The following NALF1 variants were observed in gnomAD, a reference collection of about 807,000 sequenced individuals.
NALF1 encodes the protein family with sequence similarity 155 member A.
A neutral mutation model predicts 48.4 loss-of-function variants in NALF1; 3 were observed. The observed-to-expected ratio is 0.06, with a 90% CI of 0.03 to 0.16. The LOEUF (loss-of-function observed/expected upper bound fraction) is 0.16, where lower values mean the gene tolerates loss of function less well. Among genes scored for constraint, NALF1 ranks in the 10% least tolerant of loss-of-function variants. The pLI, the probability that NALF1 is intolerant of heterozygous loss-of-function variation, is 1.00. For synonymous variants in NALF1, 262 were observed against 245.7 expected (o/e 1.07, Z -0.62); for missense variants, 526 against 571.5 (o/e 0.92, Z 0.81).
chr13:107,544,805 G>C (rs891776078), intron 1 of NALF1, among the ~76,000 whole-genome samples: 1 of 152,164 alleles, frequency 6.6e-6, no homozygotes, highest in Admixed American at 6.6e-5. Context: ...CATGACTAGA[G>C]AAGTAGAAAA....
At chr13:107,341,663 T>G (rs1193263085) in intron 1 of NALF1, among the ~76,000 whole-genome samples, 1 of 151,346 alleles carries the variant, frequency 6.6e-6, no homozygotes, top group Non-Finnish European at 1.5e-5. Context: ...ATATGGTTTG[T>G]TGTATATATG....
chr13:107,818,329 T>C (rs1047386048), intron 1 of NALF1, among the ~76,000 whole-genome samples: 2 of 152,088 alleles, frequency 1.3e-5, no homozygotes, highest in African/African-American at 4.8e-5. Context: ...TCTCTCTGAG[T>C]GCCAAAAAAC....
chr13:107,506,197 TG>T (rs1335188192), intron 1 of NALF1, among the ~76,000 whole-genome samples: 6 of 152,122 alleles, frequency 3.9e-5, no homozygotes, highest in Non-Finnish European at 8.8e-5. Context: ...GACATGAGGA[TG>T]CTGTATATGA....
intron 1 of NALF1, among the ~76,000 whole-genome samples, chr13:107,419,486 T>C (rs1884148080): frequency 6.6e-6 from 1 of 152,116 alleles, no homozygotes; most frequent in Admixed American, 6.5e-5. Context: ...ACATTGACTC[T>C]TGCAAGAGGC....
intron 1 of NALF1, among the ~76,000 whole-genome samples, chr13:107,494,519 C>T (rs751654746): frequency 6.6e-6 from 1 of 152,096 alleles, no homozygotes; most frequent in Non-Finnish European, 1.5e-5. Context: ...GCTGTTTGTC[C>T]CCAGGCCCTG....
At chr13:107,247,371 C>T (rs2138840839) in intron 1 of NALF1, among the ~76,000 whole-genome samples, 1 of 152,274 alleles carries the variant, frequency 6.6e-6, no homozygotes. Context: ...CTTGCATTAT[C>T]TTGACAGATA....
At chr13:107,187,550 T>C (rs983457319) in intron 2 of NALF1, among the ~76,000 whole-genome samples, 1 of 152,332 alleles carries the variant, frequency 6.6e-6, no homozygotes, top group South Asian at 2.1e-4. Flanking sequence ...CTGAGGCTCC[T>C]GACTTCCACC....
intron 1 of NALF1, among the ~76,000 whole-genome samples, chr13:107,532,005 C>G (rs1253519053): frequency 3.9e-5 from 6 of 152,012 alleles, no homozygotes; most frequent in Non-Finnish European, 7.4e-5. Context: ...GCATACTTAC[C>G]TAACTTGAAA....
chr13:107,682,476 C>A (rs921349083), intron 1 of NALF1, among the ~76,000 whole-genome samples: 4 of 152,168 alleles, frequency 2.6e-5, no homozygotes, highest in African/African-American at 9.7e-5. Flanking sequence ...CTGTTCCCAA[C>A]ACACTGCCTA....
intron 1 of NALF1, among the ~76,000 whole-genome samples, chr13:107,228,157 T>A (rs1216012236): frequency 6.6e-6 from 1 of 152,216 alleles, no homozygotes; most frequent in Non-Finnish European, 1.5e-5. Context: ...TAATGGCAGC[T>A]ACCATCTCTT....
intron 1 of NALF1, among the ~76,000 whole-genome samples, chr13:107,367,211 A>G (rs1883167194): frequency 6.6e-6 from 1 of 152,106 alleles, no homozygotes; most frequent in Non-Finnish European, 1.5e-5. Flanking sequence ...CACACACTTC[A>G]TCTCCTTCAT....
At chr13:107,521,890 CCT>C (rs148698482) in intron 1 of NALF1, among the ~76,000 whole-genome samples, 5,438 of 151,830 alleles carry the variant, frequency 0.036, 342 homozygotes, top group African/African-American at 0.12. Context: ...TCCTTTTCTA[CCT>C]CTGTTTTCAC....
chr13:107,452,498 A>C (rs1884759006), intron 1 of NALF1, among the ~76,000 whole-genome samples: 1 of 152,184 alleles, frequency 6.6e-6, no homozygotes, highest in Non-Finnish European at 1.5e-5. Context: ...ACTCACTATC[A>C]TGAGAACAGC....
Position 107,783,044 on chromosome 13 carries a change from G to A in NALF1, c.915+82638C>T, listed in dbSNP as rs1195301325. Among the ~76,000 whole-genome samples the A allele has an allele frequency of 2.1e-5, 3 of 143,562 alleles. 1 individual carries two copies. The highest frequency in any genetic ancestry group is 2.0e-4 in the Admixed American group (3 of 14,714). 94.2% of individuals were successfully genotyped at this position (143,562 alleles called of 152,430 possible). On this transcript the variant is annotated intron_variant, in intron 1 of 2. Transcript: ENST00000375915. ...GGGTCAGCCCCCCGCCCGGCCAGCC[G>A]CCCCGACCGGGAGGGAGGTGGGGGG...
intron 1 of NALF1, among the ~76,000 whole-genome samples, chr13:107,730,676 A>C (rs1376701090): frequency 2.6e-5 from 4 of 152,226 alleles, no homozygotes; most frequent in African/African-American, 9.6e-5. Context: ...TTTTCAATAA[A>C]AAAAGTCACA....
At chr13:107,297,012 G>T (rs1052746875) in intron 1 of NALF1, among the ~76,000 whole-genome samples, 36 of 151,616 alleles carry the variant, frequency 2.4e-4, no homozygotes, top group African/African-American at 8.5e-4. Flanking sequence ...ATAGATTAGA[G>T]TTTTTTTATT....
At position 107,392,945 on chromosome 13, in the gene NALF1, C is replaced by T. The variant is rs1025239600; in HGVS notation, c.916-182190G>A. ...TTCTGAGATTGCAAGAAGGATCTAA[C>T]CACAGTGGACATGGAGGAGTCAATG... On this transcript the variant is annotated intron_variant, in intron 1 of 2. Coordinates refer to ENST00000375915, the MANE Select transcript of NALF1 (RefSeq NM_001080396.3). Among the ~76,000 whole-genome samples the T allele has an allele frequency of 6.6e-5, 10 of 152,148 alleles. No individual in the cohort carries two copies. In the East Asian group the frequency reaches 1.5e-3, roughly 24 times the overall value.
At chr13:107,618,288 C>G (rs1210661952) in intron 1 of NALF1, among the ~76,000 whole-genome samples, 2 of 152,102 alleles carry the variant, frequency 1.3e-5, no homozygotes, top group Non-Finnish European at 2.9e-5. Context: ...CTGTTCAAGG[C>G]AGGAAAGAAA....
chr13:107,173,622 T>C (rs1878850013), intron 2 of NALF1, among the ~76,000 whole-genome samples: 1 of 152,224 alleles, frequency 6.6e-6, no homozygotes, highest in Non-Finnish European at 1.5e-5. Flanking sequence ...ACTGCAGTGC[T>C]GGATCCCCTG....
Sources: gnomAD v4.1 joint callset for allele counts (sites outside exome capture counted in the v4.1 genomes callset) on GRCh38, gnomAD v4.1.1 for gene constraint, MANE v1.5 for transcripts, NCBI Gene and HGNC (gene_info 2026-07-23, HGNC 2026-07-21) for gene names.